Variants in ELMO1 observed in about 807,000 individuals in gnomAD.
The protein encoded by ELMO1 is engulfment and cell motility protein 1.
ELMO1 carries 26 observed loss-of-function variants against 98.9 expected under a neutral mutation model. The observed-to-expected ratio is 0.26, with a 90% confidence interval of 0.19 to 0.36. The LOEUF is 0.36. Among genes scored for constraint, ELMO1 ranks in the 10% least tolerant of loss-of-function variants. ELMO1 has a pLI of 1.00. For missense variants in ELMO1, 627 were observed against 935.2 expected (o/e 0.67, Z 4.30); for synonymous variants, 346 against 346.0 (o/e 1.00, Z 0.00).
rs149023136 is a variant in ELMO1 at position 37,160,735 on chromosome 7, G to A, written c.1087-27501C>T. Among the ~76,000 whole-genome samples, 28 of 152,264 alleles carry A rather than the reference G, an allele frequency of 1.8e-4. No homozygotes were observed. The East Asian group carries it at 3.7e-3, about 20-fold the overall frequency. On this transcript the variant is annotated intron_variant, in intron 13 of 21. Coordinates refer to ENST00000310758, the MANE Select transcript of ELMO1 (RefSeq NM_014800.11). ...TGGGAGTCCTGTGCCCACCAGTCAC[G>A]TGGCTTCTGCATGACCAGATGTCCC...
intron 16 of ELMO1, among the ~76,000 whole-genome samples, chr7:36,902,447 G>A (rs1293948470): frequency 6.6e-6 from 1 of 152,230 alleles, no homozygotes; most frequent in Admixed American, 6.5e-5. Context: ...CTTAATGTGG[G>A]CAGTGAGGTC....
chr7:37,070,062 G>A (rs1369867743), intron 15 of ELMO1, among the ~76,000 whole-genome samples: 1 of 152,110 alleles, frequency 6.6e-6, no homozygotes, highest in Non-Finnish European at 1.5e-5. Context: ...CTCCCATCTG[G>A]CTAAACTTTA....
At chr7:37,006,942 T>A (rs1042920739) in intron 16 of ELMO1, among the ~76,000 whole-genome samples, 1 of 152,242 alleles carries the variant, frequency 6.6e-6, no homozygotes, top group South Asian at 2.1e-4. Context: ...CTGGTAAGGA[T>A]TGGAGAGGAC....
intron 1 of ELMO1, among the ~76,000 whole-genome samples, chr7:37,422,742 T>G (rs967185679): frequency 3.9e-5 from 6 of 152,238 alleles, no homozygotes; most frequent in Non-Finnish European, 7.3e-5. Context: ...ACTACAAGAC[T>G]TCTTTGGAAA....
intron 1 of ELMO1, among the ~76,000 whole-genome samples, chr7:37,442,416 AC>A (rs140804875): frequency 1.2e-3 from 184 of 152,330 alleles, no homozygotes; most frequent in African/African-American, 4.4e-3. Flanking sequence ...GCTGGAAAAC[AC>A]TGTCAAGTAT....
At position 37,016,231 on chromosome 7, in the gene ELMO1, G is replaced by A. The variant is rs184705233; in HGVS notation, c.1301-2796C>T. 7.2e-5 allele frequency among the ~76,000 whole-genome samples: 11 copies of A among 152,128 alleles called. No homozygotes were observed. The East Asian group carries it at 2.1e-3, about 29-fold the overall frequency. On this transcript the variant is annotated intron_variant, in intron 15 of 21. Transcript: ENST00000310758. Reference sequence around the variant, plus strand: ...GACTTGCAAGTCCTACTCTTGCTTGGGTAAAGAGGGAAGTGACATCATTAA... The same window carrying A: ...GACTTGCAAGTCCTACTCTTGCTTGAGTAAAGAGGGAAGTGACATCATTAA...
At chr7:37,382,940 CAACAG>C (rs1218834339) in intron 1 of ELMO1, among the ~76,000 whole-genome samples, 1 of 152,156 alleles carries the variant, frequency 6.6e-6, no homozygotes, top group Non-Finnish European at 1.5e-5. Context: ...AGGGTAGAGA[CAACAG>C]AATAGTTCTC....
chr7:36,912,114 TC>T (rs1784384264), intron 16 of ELMO1, among the ~76,000 whole-genome samples: 1 of 152,188 alleles, frequency 6.6e-6, no homozygotes, highest in Non-Finnish European at 1.5e-5. Context: ...CATATAGTAA[TC>T]TTCTAATGCG....
At chr7:37,071,997 A>T (rs1458016921) in intron 15 of ELMO1, among the ~76,000 whole-genome samples, 1 of 152,248 alleles carries the variant, frequency 6.6e-6, no homozygotes, top group Non-Finnish European at 1.5e-5. Flanking sequence ...TCAAGAGTAA[A>T]CAAGTTCTTC....
intron 2 of ELMO1, among the ~76,000 whole-genome samples, chr7:37,323,055 A>G (rs760200290): frequency 1.3e-5 from 2 of 152,170 alleles, no homozygotes; most frequent in Non-Finnish European, 2.9e-5. Context: ...CACGGAGGCC[A>G]TGACCCCACA....
chr7:37,422,923 C>G (rs906932286), intron 1 of ELMO1, among the ~76,000 whole-genome samples: 4 of 152,224 alleles, frequency 2.6e-5, no homozygotes, highest in Admixed American at 2.6e-4. Flanking sequence ...TGAGCCAAGC[C>G]TGTTAAGTCT....
intron 13 of ELMO1, among the ~76,000 whole-genome samples, chr7:37,200,508 G>A (rs1168107487): frequency 1.3e-5 from 2 of 152,146 alleles, no homozygotes; most frequent in Non-Finnish European, 1.5e-5. Flanking sequence ...AACATGTACA[G>A]GCAGGGTGCT....
chr7:37,026,159 G>C (rs1794564020), intron 15 of ELMO1, among the ~76,000 whole-genome samples: 1 of 152,114 alleles, frequency 6.6e-6, no homozygotes, highest in Non-Finnish European at 1.5e-5. Flanking sequence ...ATTTACTGTG[G>C]ATATAAGTAA....
intron 11 of ELMO1, among the ~76,000 whole-genome samples, chr7:37,215,202 A>G (rs6967403): frequency 0.28 from 42,227 of 152,124 alleles, 6,464 homozygotes; most frequent in African/African-American, 0.4. Context: ...ACACTCATAC[A>G]TTTCTTGTCA....
intron 16 of ELMO1, among the ~76,000 whole-genome samples, chr7:36,978,968 A>G (rs1023187308): frequency 2.0e-5 from 3 of 152,228 alleles, no homozygotes; most frequent in African/African-American, 7.2e-5. Context: ...GGTAGAGTCA[A>G]TAAGATCTAT....
intron 4 of ELMO1, among the ~76,000 whole-genome samples, chr7:37,310,853 C>T (rs184516175): frequency 3.7e-4 from 56 of 152,284 alleles, no homozygotes; most frequent in African/African-American, 1.1e-3. Context: ...CTCAGTCTCA[C>T]TTTTCTCGTA....
intron 16 of ELMO1, among the ~76,000 whole-genome samples, chr7:36,973,843 G>C (rs748486014): frequency 6.6e-6 from 1 of 152,236 alleles, no homozygotes; most frequent in Non-Finnish European, 1.5e-5. Context: ...CGGAGCAGCC[G>C]GCCCTGCCGT....
In ELMO1 at chr7:36,853,778, T is replaced by C. The variant is rs1394712180; in HGVS notation, c.*1773A>G. Among the ~76,000 whole-genome samples the C allele has an allele frequency of 6.6e-6, 1 of 152,206 alleles. No homozygotes were observed. The highest frequency in any genetic ancestry group is 1.5e-5 in the Non-Finnish European group (1 of 68,048). ...CAGAGTGGCTGGTGCTGTGCCACGC[T>C]TAATACTGCATGCTTGGACCCTTCT... On this transcript the variant is annotated 3_prime_UTR_variant, in exon 22 of 22. Coordinates refer to ENST00000310758, the MANE Select transcript of ELMO1 (RefSeq NM_014800.11).
chr7:37,233,120 G>A lies in ELMO1; in HGVS notation c.524C>T (p.Thr175Ile), dbSNP rs748641624. The A allele has an allele frequency of 1.9e-6, 3 of 1,613,448 alleles. No individual in the cohort carries two copies. Among genetic ancestry groups the A allele is most frequent in the African/African-American group, 1.3e-5 (1 of 74,820 alleles). ...LMDHGIVSWD[T>I]FSVAFIKKIA... ...CTTCTTAATGAACGCCACCGAAAAT[G>A]TATCCCAGGACACTATGCCATGGTC... The change falls in exon 8 of 22, where the codon ACA (threonine) becomes ATA (isoleucine). Residue 175 changes from threonine to isoleucine, a missense_variant. By Grantham distance (89) the Thr-to-Ile change is moderately conservative (BLOSUM62 -1). Around this residue, in one of 3 missense-constraint regions of ELMO1, gnomAD observed 492 missense variants for 715.6 expected, o/e 0.69. Coordinates refer to ENST00000310758, the MANE Select transcript of ELMO1 (RefSeq NM_014800.11).
Sources: gnomAD v4.1 joint callset for allele counts (sites outside exome capture counted in the v4.1 genomes callset) on GRCh38, gnomAD v4.1.1 for gene constraint, gnomAD v4.1.1 regional missense constraint, MANE v1.5 for transcripts, NCBI Gene and HGNC (gene_info 2026-07-23, HGNC 2026-07-21) for gene names.